Variants in REXO1 observed in about 807,000 individuals in gnomAD.
The protein encoded by REXO1 is REX1, RNA exonuclease 1 homolog.
A neutral mutation model predicts 102.6 loss-of-function variants in REXO1; 42 were observed. That is an observed-to-expected ratio of 0.41 (90% CI 0.32 to 0.53). The LOEUF is 0.53. Ranked by LOEUF, REXO1 falls within the 20% of genes least tolerant of loss-of-function variation. The pLI is 0.27. For synonymous variants in REXO1, 908 were observed against 779.1 expected, an observed-to-expected ratio of 1.17 and a Z score of -2.76; for missense variants, 1,819 against 1,732.5, an observed-to-expected ratio of 1.05 and a Z score of -0.89.
Position 1,827,931 on chromosome 19 carries a change from G to A in REXO1, c.858C>T (p.Phe286=). 3 of 1,613,768 alleles carry A rather than the reference G, an allele frequency of 1.9e-6. No homozygotes were observed. In the South Asian group the frequency reaches 3.3e-5, roughly 18 times the overall value. ...CDPFGSCDAR[F]SDSEDEAATV... is the part of the protein sequence containing the mutation. ...TGGCGGCCTCATCTTCTGAGTCTGA[G>A]AACCTTGCATCGCAACTGCCAAAGG... Residue 286 remains phenylalanine (F), a synonymous_variant, in exon 2 of 16, where the codon TTC becomes TTT. Coordinates refer to ENST00000170168, the MANE Select transcript of REXO1 (RefSeq NM_020695.4).
At chr19:1,831,229 C>A (rs947921044) in intron 1 of REXO1, among the ~76,000 whole-genome samples, 2 of 152,232 alleles carry the variant, frequency 1.3e-5, no homozygotes, top group African/African-American at 4.8e-5. Flanking sequence ...TAGCAAAAGG[C>A]AACAGCCCCA....
chr19:1,820,833 A>AT (rs2069512707), intron 5 of REXO1, among the ~76,000 whole-genome samples: 1 of 152,014 alleles, frequency 6.6e-6, no homozygotes, highest in Non-Finnish European at 1.5e-5. Context: ...TCTCTACAAA[A>AT]TAAAAAACAA....
chr19:1,831,898 G>T (rs947834874), intron 1 of REXO1, among the ~76,000 whole-genome samples: 1 of 147,988 alleles, frequency 6.8e-6, no homozygotes, highest in Non-Finnish European at 1.5e-5. Flanking sequence ...AAAAGAAATG[G>T]CTGGTTTCCC....
chr19:1,822,730 G>C (rs1007962603), intron 4 of REXO1: 4 of 152,308 alleles, frequency 2.6e-5, no homozygotes, highest in African/African-American at 9.6e-5. Context: ...GGGGAGGTCA[G>C]AGTAGCCTGG....
At chr19:1,825,496 G>A (rs1264620262) in intron 3 of REXO1, among the ~76,000 whole-genome samples, 6 of 146,566 alleles carry the variant, frequency 4.1e-5, no homozygotes, top group Non-Finnish European at 7.5e-5. Flanking sequence ...TTTTTTTTGA[G>A]ACAGAGTCTT....
In REXO1 at chr19:1,826,455, T is replaced by C. The variant is rs1287944103; in HGVS notation, c.1911+423A>G. Among the ~76,000 whole-genome samples, 2 of 121,872 alleles carry C rather than the reference T, an allele frequency of 1.6e-5. No homozygotes were observed. The highest frequency in any genetic ancestry group is 3.2e-5 in the Non-Finnish European group (2 of 62,358). The allele number at this position is 121,872 out of a possible 152,430, so 80.0% of individuals were successfully genotyped here. A position where few individuals can be genotyped will look rare whatever the true frequency, so the allele number is the denominator to read the frequency against. On this transcript the variant is annotated intron_variant, in intron 2 of 15. Coordinates refer to ENST00000170168, the MANE Select transcript of REXO1 (RefSeq NM_020695.4). The surrounding 1 kb of genome is among the most constrained non-coding windows in gnomAD (Gnocchi z 4.3). ...AGGCAAGGAGAGGAGACAGAGGAGCTGGAAGAGAAGAGACAGAGATGGGGG... is the reference window on the plus strand; with the variant it reads ...AGGCAAGGAGAGGAGACAGAGGAGCCGGAAGAGAAGAGACAGAGATGGGGG...
chr19:1,815,504 G>A lies in REXO1; in HGVS notation c.*562C>T, dbSNP rs1231479001. On this transcript the variant is annotated 3_prime_UTR_variant, in exon 16 of 16. Transcript: ENST00000170168. The surrounding 1 kb of genome is among the most constrained non-coding windows in gnomAD (Gnocchi z 4.0). The stretch of plus-strand genomic sequence containing the variant: ...GCCAGCCCCTGGAGCACAGAGGCGG[G>A]TCCAGCCCACACTGCGCTGAGTGTG... 2.9e-5 allele frequency: 7 copies of A among 240,642 alleles called. No individual in the cohort carries two copies. The South Asian group carries it at 5.2e-4, about 18-fold the overall frequency. 14.9% of individuals were successfully genotyped at this position (240,642 alleles called of 1,614,324 possible).
Position 1,826,873 on chromosome 19 carries a change from C to A in REXO1, c.1911+5G>T. ...GAGCCCAGCCCCAGCACCCGCGCGCCTCACCTGCCGGGCCAGCCGGCCTCT... is the reference window on the plus strand; with the variant it reads ...GAGCCCAGCCCCAGCACCCGCGCGCATCACCTGCCGGGCCAGCCGGCCTCT... On this transcript the variant is annotated splice_donor_5th_base_variant and intron_variant, in intron 2 of 15. Transcript: ENST00000170168. This position sits in a 1 kb window ranked among gnomAD's most constrained non-coding sequence, Gnocchi z 4.3. 1 of 1,569,718 alleles carries A rather than the reference C, an allele frequency of 6.4e-7. No homozygotes were observed. The highest frequency in any genetic ancestry group is 1.9e-5 in the Admixed American group (1 of 53,758).
rs1314841765 is a variant in REXO1 at position 1,819,047 on chromosome 19, G to C, written c.2735C>G (p.Pro912Arg). 1.2e-6 allele frequency: 2 copies of C among 1,602,974 alleles called. No individual in the cohort carries two copies. The highest frequency in any genetic ancestry group is 1.7e-6 in the Non-Finnish European group (2 of 1,173,798). Residue 912 changes from proline to arginine, a missense_variant, in exon 8 of 16, where the codon CCA (proline) becomes CGA (arginine). Physicochemically the swap from Pro to Arg is moderately radical, Grantham distance 103. Coordinates refer to ENST00000170168, the MANE Select transcript of REXO1 (RefSeq NM_020695.4). ...AAKTSFSLSR[P>R]SSPRVEDLKG... ...CAGGTCCTCCACCCGGGGGCTGCTTGGACGGCTGAGCGAGAAGCTGGTCTT... is the reference window on the plus strand; with the variant it reads ...CAGGTCCTCCACCCGGGGGCTGCTTCGACGGCTGAGCGAGAAGCTGGTCTT...
At chr19:1,838,317 CA>C (rs532397234) in intron 1 of REXO1, among the ~76,000 whole-genome samples, 1,165 of 82,030 alleles carry the variant, frequency 0.014, 7 homozygotes, top group Admixed American at 0.015. Flanking sequence ...AACTCCATCT[CA>C]AAAAAAAAAA....
Position 1,826,868 on chromosome 19 carries a change from C to A in REXO1, c.1911+10G>T. On this transcript the variant is annotated intron_variant, in intron 2 of 15. Coordinates refer to ENST00000170168, the MANE Select transcript of REXO1 (RefSeq NM_020695.4). The surrounding 1 kb of genome is among the most constrained non-coding windows in gnomAD (Gnocchi z 4.3). Reference sequence around the variant, plus strand: ...TGCCCGAGCCCAGCCCCAGCACCCGCGCGCCTCACCTGCCGGGCCAGCCGG... The same window carrying A: ...TGCCCGAGCCCAGCCCCAGCACCCGAGCGCCTCACCTGCCGGGCCAGCCGG... The A allele has an allele frequency of 6.4e-7, 1 of 1,566,266 alleles. No homozygotes were observed. Among genetic ancestry groups the A allele is most frequent in the Non-Finnish European group, 8.6e-7 (1 of 1,156,904 alleles).
chr19:1,827,177 C>A lies in REXO1; in HGVS notation c.1612G>T (p.Val538Leu). Residue 538 changes from valine to leucine, a missense_variant, in exon 2 of 16, where the codon GTG becomes TTG. Coordinates refer to ENST00000170168, the MANE Select transcript of REXO1 (RefSeq NM_020695.4). ...DEAAGPGVPSVWPSALPSLSS... is the reference protein window; with the variant it reads ...DEAAGPGVPSLWPSALPSLSS... ...AGGCTGGGGAGGGCAGAGGGCCACA[C>A]GCTCGGCACCCCTGGCCCTGCGGCC... 6.5e-7 allele frequency: 1 copy of A among 1,541,066 alleles called. No individual in the cohort carries two copies. Among genetic ancestry groups the A allele is most frequent in the Non-Finnish European group, 8.7e-7 (1 of 1,146,572 alleles).
chr19:1,839,212 G>A (rs901709444), intron 1 of REXO1, among the ~76,000 whole-genome samples: 2 of 148,162 alleles, frequency 1.3e-5, no homozygotes, highest in African/African-American at 2.5e-5. Flanking sequence ...CCAAGATCAC[G>A]CCACTGCACT....
intron 1 of REXO1, among the ~76,000 whole-genome samples, chr19:1,845,087 T>G (rs1006624921): frequency 7.9e-5 from 12 of 152,156 alleles, no homozygotes; most frequent in African/African-American, 2.9e-4. Flanking sequence ...GGCAGAGGCC[T>G]GGGTTCTGAG....
intron 1 of REXO1, among the ~76,000 whole-genome samples, chr19:1,833,508 G>A (rs2069960377): frequency 6.6e-6 from 1 of 152,230 alleles, no homozygotes; most frequent in Non-Finnish European, 1.5e-5. Flanking sequence ...ACTAGGATCA[G>A]CAACTGTGGC....
chr19:1,837,025 C>A (rs192939701), intron 1 of REXO1, among the ~76,000 whole-genome samples: 183 of 152,320 alleles, frequency 1.2e-3, no homozygotes, highest in African/African-American at 4.3e-3. Context: ...CCTGGGGGAG[C>A]CATCTGGGCG....
intron 7 of REXO1, among the ~76,000 whole-genome samples, chr19:1,819,581 G>A (rs1027590046): frequency 2.0e-5 from 3 of 152,198 alleles, no homozygotes; most frequent in African/African-American, 4.8e-5. Context: ...GCAATGAAAC[G>A]CCCAGGTCTC....
chr19:1,836,208 C>T (rs1251764020), intron 1 of REXO1, among the ~76,000 whole-genome samples: 2 of 152,242 alleles, frequency 1.3e-5, no homozygotes, highest in East Asian at 1.9e-4. Context: ...GAGAACCTGG[C>T]ATGAGCTCCA....
intron 1 of REXO1, among the ~76,000 whole-genome samples, chr19:1,845,536 T>C (rs2011498009): frequency 6.6e-6 from 1 of 152,156 alleles, no homozygotes. Context: ...TGATGTCACA[T>C]GCCTGTGGTC....
Sources: gnomAD v4.1 joint callset for allele counts (sites outside exome capture counted in the v4.1 genomes callset) on GRCh38, gnomAD v4.1.1 for gene constraint, Gnocchi (gnomAD v3.1) non-coding constraint, MANE v1.5 for transcripts, NCBI Gene and HGNC (gene_info 2026-07-23, HGNC 2026-07-21) for gene names.